BTNL8: variants seen among roughly 807,000 people sequenced by gnomAD.
BTNL8 encodes the protein butyrophilin like 8, also known as butyrophilin-like protein 8.
A neutral mutation model predicts 36.1 loss-of-function variants in BTNL8; 22 were observed. The ratio of observed to expected loss-of-function variants is 0.61; its 90% confidence interval spans 0.44 to 0.87. The LOEUF (loss-of-function observed/expected upper bound fraction) is 0.87. BTNL8 is among the 40% of genes least tolerant of loss of function. BTNL8 has a pLI of 0.00. For missense variants in BTNL8, 526 were observed against 616.9 expected (o/e 0.85, Z 1.56); for synonymous variants, 203 against 235.6 (o/e 0.86, Z 1.27).
At chr5:180,906,145 G>A (rs1316028353) in intron 1 of BTNL8, among the ~76,000 whole-genome samples, 3 of 145,480 alleles carry the variant, frequency 2.1e-5, no homozygotes, top group Admixed American at 2.0e-4. Context: ...CATTATTAAT[G>A]TGTGGGAGTC....
At chr5:180,942,928 C>G (rs1759055874) in intron 3 of BTNL8, among the ~76,000 whole-genome samples, 1 of 151,828 alleles carries the variant, frequency 6.6e-6, no homozygotes, top group Admixed American at 6.6e-5. Context: ...AAAGCAGAAA[C>G]AGACAAGTGT....
intron 3 of BTNL8, among the ~76,000 whole-genome samples, chr5:180,926,647 C>T (rs947615650): frequency 1.3e-5 from 2 of 152,204 alleles, no homozygotes; most frequent in African/African-American, 4.8e-5. Flanking sequence ...AGAGGGACAT[C>T]ACCATTACTG....
In BTNL8 at chr5:180,935,263, G is replaced by A; in HGVS notation, c.674-12249G>A. ...TCATCCCTGGCTTGAAGGTAGTTAG[G>A]GACCTGCCCCTTTCCACCCAGGAAC... On this transcript the variant is annotated intron_variant, in intron 3 of 7. Transcript: ENST00000340184. The surrounding 1 kb of genome is among the most constrained non-coding windows in gnomAD (Gnocchi z 4.8). 6.6e-6 allele frequency among the ~76,000 whole-genome samples: 1 copy of A among 152,144 alleles called. No homozygotes were observed. Among genetic ancestry groups the A allele is most frequent in the Admixed American group, 6.5e-5 (1 of 15,274 alleles).
intron 3 of BTNL8, among the ~76,000 whole-genome samples, chr5:180,927,941 C>G (rs1187155390): frequency 1.3e-5 from 2 of 152,126 alleles, no homozygotes; most frequent in Admixed American, 1.3e-4. Context: ...CTTCCCCAAC[C>G]TAGTAAGACA....
intron 3 of BTNL8, among the ~76,000 whole-genome samples, chr5:180,934,149 T>C (rs1758531504): frequency 6.6e-6 from 1 of 152,174 alleles, no homozygotes; most frequent in African/African-American, 2.4e-5. Context: ...TATACAAATA[T>C]AAATGTCATA....
chr5:180,931,017 A>C (rs530352909), intron 3 of BTNL8, among the ~76,000 whole-genome samples: 13 of 152,318 alleles, frequency 8.5e-5, no homozygotes, highest in Non-Finnish European at 1.8e-4. Context: ...AATCCTAAGC[A>C]AAAAGAACAA....
intron 7 of BTNL8, 105 bp from the exon 8 acceptor site, chr5:180,949,799 C>T: frequency 7.4e-7 from 1 of 1,354,612 alleles, no homozygotes; most frequent in Non-Finnish European, 1.0e-6. Context: ...GGGGCCTCAC[C>T]TATGCCACCC....
rs994518775 is a variant in BTNL8 at position 180,907,816 on chromosome 5, C to T, written c.50-770C>T. ...GTGTGCCCCTGCTGGGGGGTGCCTC[C>T]CAGTTAGGCTGCTCGGGGGTCAGGG... On this transcript the variant is annotated intron_variant, in intron 1 of 7. Coordinates refer to ENST00000340184, the MANE Select transcript of BTNL8 (RefSeq NM_001040462.3). Among the ~76,000 whole-genome samples, 46 of 151,460 alleles carry T rather than the reference C, an allele frequency of 3.0e-4. 2 individuals are homozygous for T. The highest frequency in any genetic ancestry group is 7.6e-4 in the African/African-American group (31 of 41,042).
In BTNL8 at chr5:180,947,591, T is replaced by C. The variant is rs780822227; in HGVS notation, c.753T>C (p.Ile251=). 1.2e-6 allele frequency: 2 copies of C among 1,614,214 alleles called. No homozygotes were observed. Among genetic ancestry groups the C allele is most frequent in the Non-Finnish European group, 1.7e-6 (2 of 1,180,038 alleles). The change falls in exon 4 of 8, where the codon ATT becomes ATC. Residue 251 remains isoleucine, a synonymous_variant. Coordinates refer to ENST00000340184, the MANE Select transcript of BTNL8 (RefSeq NM_001040462.3). ...GILCCGLFFG[I]VGLKIFFSKF... is the part of the protein sequence containing the mutation. Reference sequence around the variant, plus strand: ...TCTGCTGTGGCCTATTTTTTGGCATTGTTGGACTGAAGATTTTCTTCTCCA... The same window carrying C: ...TCTGCTGTGGCCTATTTTTTGGCATCGTTGGACTGAAGATTTTCTTCTCCA...
At position 180,908,827 on chromosome 5, in the gene BTNL8, C is replaced by T. The variant is rs1037121173; in HGVS notation, c.291C>T (p.Ile97=). 3 of 1,614,156 alleles carry T rather than the reference C, an allele frequency of 1.9e-6. No individual in the cohort carries two copies. Among genetic ancestry groups the T allele is most frequent in the Non-Finnish European group, 8.5e-7 (1 of 1,180,030 alleles). ...AGGATTCTATTGCGGAGGGGCGCAT[C>T]TCTCTGAGGCTGGAAAACATTACTG... ...LVKDSIAEGR[I]SLRLENITVL... The change falls in exon 2 of 8, where the codon ATC becomes ATT. Residue 97 remains isoleucine, a synonymous_variant. Transcript: ENST00000340184.
At chr5:180,911,758 T>A in intron 3 of BTNL8, 144 bp downstream of exon 3, 1 of 882,650 alleles carries the variant, frequency 1.1e-6, no homozygotes, top group Non-Finnish European at 1.7e-6. Flanking sequence ...CAATGAGATG[T>A]AAAAGTAAAG....
At chr5:180,902,043 AAATATTGATAT>A (rs1432251643) in intron 1 of BTNL8, among the ~76,000 whole-genome samples, 3 of 152,344 alleles carry the variant, frequency 2.0e-5, no homozygotes, top group Admixed American at 1.3e-4. Flanking sequence ...AGTAGCCATA[AAATATTGATAT>A]AATATTGTGC....
chr5:180,940,152 C>A (rs558624225), intron 3 of BTNL8, among the ~76,000 whole-genome samples: 104 of 152,150 alleles, frequency 6.8e-4, no homozygotes, highest in African/African-American at 2.3e-3. Flanking sequence ...CAAGACCAGC[C>A]TGACCAACAT....
chr5:180,926,017 A>C (rs1162832583), intron 3 of BTNL8, among the ~76,000 whole-genome samples: 1 of 152,222 alleles, frequency 6.6e-6, no homozygotes, highest in Non-Finnish European at 1.5e-5. Flanking sequence ...AAAAAACCAC[A>C]GCAGGCGGTG....
intron 3 of BTNL8, among the ~76,000 whole-genome samples, chr5:180,923,998 C>G (rs1757985875): frequency 6.6e-6 from 1 of 152,188 alleles, no homozygotes; most frequent in Non-Finnish European, 1.5e-5. Context: ...TCTGGCCCTA[C>G]TGAGCCCCAC....
intron 3 of BTNL8, among the ~76,000 whole-genome samples, chr5:180,937,122 A>G (rs1758689139): frequency 6.6e-6 from 1 of 152,118 alleles, no homozygotes; most frequent in South Asian, 2.1e-4. Flanking sequence ...GATGGTGGCC[A>G]TATCTCATTT....
At chr5:180,939,982 G>A (rs1582057150) in intron 3 of BTNL8, among the ~76,000 whole-genome samples, 1 of 152,240 alleles carries the variant, frequency 6.6e-6, no homozygotes, top group East Asian at 1.9e-4. Context: ...ACATTCTTCT[G>A]AACAACCATT....
At chr5:180,948,502 G>A in intron 5 of BTNL8, 127 bp downstream of exon 5, 1 of 1,607,876 alleles carries the variant, frequency 6.2e-7, no homozygotes, top group Non-Finnish European at 8.5e-7. Context: ...GTGGAGGAGA[G>A]CAGCTGCTCG....
intron 3 of BTNL8, among the ~76,000 whole-genome samples, chr5:180,941,912 C>CTTTTTTT (rs1554145496): frequency 1.0e-4 from 15 of 145,054 alleles, no homozygotes; most frequent in East Asian, 2.0e-4. Flanking sequence ...TTTTACTACT[C>CTTTTTTT]TTATTCAACA....
Sources: gnomAD v4.1 joint callset for allele counts (sites outside exome capture counted in the v4.1 genomes callset) on GRCh38, gnomAD v4.1.1 for gene constraint, Gnocchi (gnomAD v3.1) non-coding constraint, MANE v1.5 for transcripts, NCBI Gene and HGNC (gene_info 2026-07-23, HGNC 2026-07-21) for gene names.